The following CUL1 variants were observed in gnomAD, a reference collection of about 807,000 sequenced individuals.
CUL1 encodes cullin-1.
In CUL1, 24 loss-of-function variants were observed where a neutral mutation model predicts 118.0. That is an observed-to-expected ratio of 0.20 (90% confidence interval 0.15 to 0.29). The LOEUF (loss-of-function observed/expected upper bound fraction) is 0.29. Ranked by LOEUF, CUL1 falls within the 10% of genes least tolerant of loss-of-function variation. The probability of loss-of-function intolerance (pLI) is 1.00; values close to 1 mark genes in which losing one functional copy is unlikely to be tolerated. For missense variants in CUL1, 361 were observed against 933.8 expected, an observed-to-expected ratio of 0.39 and a Z score of 7.99; for synonymous variants, 332 against 340.4, an observed-to-expected ratio of 0.98 and a Z score of 0.27.
chr7:148,786,885 C>T, intron 12 of CUL1, 104 bp from the exon 13 acceptor site: 4 of 1,484,252 alleles, frequency 2.7e-6, no homozygotes, highest in Non-Finnish European at 3.6e-6. Flanking sequence ...TGCCCAAAGC[C>T]AAAGGCACAT....
intron 9 of CUL1, among the ~76,000 whole-genome samples, chr7:148,773,630 C>T (rs1249614103): frequency 1.3e-5 from 2 of 152,200 alleles, no homozygotes; most frequent in Non-Finnish European, 2.9e-5. Flanking sequence ...GCTGCCGTCT[C>T]GGCTGCACGA....
chr7:148,742,114 G>A (rs1799160560), intron 2 of CUL1, among the ~76,000 whole-genome samples: 1 of 152,158 alleles, frequency 6.6e-6, no homozygotes, highest in Non-Finnish European at 1.5e-5. Flanking sequence ...TTTGGAATCA[G>A]CTTGTTAACT....
chr7:148,781,726 T>C (rs1475272891), intron 9 of CUL1, among the ~76,000 whole-genome samples: 1 of 152,172 alleles, frequency 6.6e-6, no homozygotes, highest in Non-Finnish European at 1.5e-5. Context: ...GCTGGCGTTT[T>C]CGGGAATGAG....
Position 148,795,542 on chromosome 7 carries a change from G to A in CUL1, c.1900-2270G>A, listed in dbSNP as rs373329105. 4.6e-5 allele frequency among the ~76,000 whole-genome samples: 7 copies of A among 152,078 alleles called. No individual in the cohort carries two copies. In the South Asian group the frequency reaches 1.5e-3, roughly 32 times the overall value. ...AGCACTTTGGGAGCCCGAGGCGGGCGGATCACGAGGTCAGGAGATCGAGAC... is the reference window on the plus strand; with the variant it reads ...AGCACTTTGGGAGCCCGAGGCGGGCAGATCACGAGGTCAGGAGATCGAGAC... On this transcript the variant is annotated intron_variant, in intron 17 of 21. Coordinates refer to ENST00000325222, the MANE Select transcript of CUL1 (RefSeq NM_003592.3).
chr7:148,783,704 A>G (rs1278624907), intron 9 of CUL1, 79 bp from the exon 10 acceptor site: 12 of 1,577,854 alleles, frequency 7.6e-6, no homozygotes, highest in East Asian at 4.5e-5. Context: ...TTTGTATGCT[A>G]GTACATGCAT....
At chr7:148,719,171 C>A (rs1002423435) in intron 1 of CUL1, among the ~76,000 whole-genome samples, 1 of 152,036 alleles carries the variant, frequency 6.6e-6, no homozygotes, top group Admixed American at 6.6e-5. Flanking sequence ...ATTAGCCAGG[C>A]GCGGTGGCGG....
intron 9 of CUL1, among the ~76,000 whole-genome samples, chr7:148,774,708 A>G (rs1248979854): frequency 1.3e-5 from 2 of 152,202 alleles, no homozygotes; most frequent in Non-Finnish European, 2.9e-5. Context: ...CCTAACAGGT[A>G]TTGCAGTGTG....
chr7:148,707,053 A>G (rs1398875118), intron 1 of CUL1, among the ~76,000 whole-genome samples: 1 of 152,170 alleles, frequency 6.6e-6, no homozygotes, highest in Non-Finnish European at 1.5e-5. Context: ...CTACATTCAT[A>G]TATATTAAAA....
At position 148,800,610 on chromosome 7, in the gene CUL1, C is replaced by A. The variant is rs539877007; in HGVS notation, c.*28C>A. The A allele has an allele frequency of 2.8e-4, 433 of 1,538,496 alleles. No homozygotes were observed. The highest frequency in any genetic ancestry group is 3.7e-4 in the Non-Finnish European group (412 of 1,113,728). Reference sequence around the variant, plus strand: ...CTTCTGGAAGGGTCTGACTGTGTGACCCGCAGCAAATAGTTCATGTTGGAA... The same window carrying A: ...CTTCTGGAAGGGTCTGACTGTGTGAACCGCAGCAAATAGTTCATGTTGGAA... On this transcript the variant is annotated 3_prime_UTR_variant, in exon 22 of 22. Coordinates refer to ENST00000325222, the MANE Select transcript of CUL1 (RefSeq NM_003592.3). The surrounding 1 kb of genome is among the most constrained non-coding windows in gnomAD (Gnocchi z 4.6).
At chr7:148,727,066 T>C (rs940610837) in intron 1 of CUL1, among the ~76,000 whole-genome samples, 1 of 152,176 alleles carries the variant, frequency 6.6e-6, no homozygotes, top group African/African-American at 2.4e-5. Flanking sequence ...ATTATGAGCG[T>C]AGACGATGTC....
chr7:148,740,389 A>G (rs556047489), intron 2 of CUL1, among the ~76,000 whole-genome samples: 45 of 152,252 alleles, frequency 3.0e-4, no homozygotes, highest in Admixed American at 4.6e-4. Flanking sequence ...CATAGCATAC[A>G]ATGCACTCAT....
intron 1 of CUL1, among the ~76,000 whole-genome samples, chr7:148,725,815 T>C (rs550188746): frequency 2.0e-5 from 3 of 152,364 alleles, no homozygotes; most frequent in African/African-American, 7.2e-5. Flanking sequence ...TGAGGCTCTT[T>C]AGGGGATATC....
intron 4 of CUL1, among the ~76,000 whole-genome samples, chr7:148,757,792 G>A (rs2129460468): frequency 6.6e-6 from 1 of 152,256 alleles, no homozygotes; most frequent in East Asian, 1.9e-4. Context: ...ATGGCAGAAG[G>A]CACATCTTAG....
intron 1 of CUL1, among the ~76,000 whole-genome samples, chr7:148,711,539 CAAAT>C (rs1180742265): frequency 2.0e-5 from 3 of 152,138 alleles, no homozygotes; most frequent in Non-Finnish European, 2.9e-5. Context: ...AGCCCTAAAT[CAAAT>C]AAAGAGCACG....
At chr7:148,725,489 A>G (rs11760399) in intron 1 of CUL1, among the ~76,000 whole-genome samples, 7,834 of 152,292 alleles carry the variant, frequency 0.051, 314 homozygotes, top group Middle Eastern at 0.1. Flanking sequence ...CGCTTGTTAC[A>G]GAGTTCCCTG....
intron 9 of CUL1, among the ~76,000 whole-genome samples, chr7:148,770,720 G>A (rs796192410): frequency 5.9e-5 from 9 of 152,260 alleles, no homozygotes; most frequent in African/African-American, 1.9e-4. Flanking sequence ...GGGGAGCGTG[G>A]GTGCCCGGGC....
intron 11 of CUL1, among the ~76,000 whole-genome samples, chr7:148,784,680 G>A (rs1289934653): frequency 6.6e-6 from 1 of 152,106 alleles, no homozygotes; most frequent in African/African-American, 2.4e-5. Flanking sequence ...ACAACAATAA[G>A]TTTTAAAGAT....
chr7:148,794,549 T>C (rs1038420329), intron 17 of CUL1, among the ~76,000 whole-genome samples: 2 of 152,232 alleles, frequency 1.3e-5, no homozygotes, highest in South Asian at 4.1e-4. Context: ...CTATTCTGGA[T>C]CCCTTATGTT....
intron 9 of CUL1, among the ~76,000 whole-genome samples, chr7:148,777,794 G>A (rs1415117025): frequency 3.3e-5 from 5 of 151,824 alleles, no homozygotes; most frequent in African/African-American, 9.7e-5. Context: ...GGTCAGGCAC[G>A]GTGGGTGATG....
Sources: gnomAD v4.1 joint callset for allele counts (sites outside exome capture counted in the v4.1 genomes callset) on GRCh38, gnomAD v4.1.1 for gene constraint, Gnocchi (gnomAD v3.1) non-coding constraint, MANE v1.5 for transcripts, NCBI Gene and HGNC (gene_info 2026-07-23, HGNC 2026-07-21) for gene names.